DAB1: variants seen among roughly 807,000 people sequenced by gnomAD.
DAB1 encodes the protein disabled homolog 1.
DAB1 carries 15 observed loss-of-function variants against 64.6 expected under a neutral mutation model. The observed-to-expected ratio is 0.23, with a 90% CI of 0.16 to 0.36. DAB1 has a LOEUF of 0.36. Ranked by LOEUF, DAB1 falls within the 10% of genes least tolerant of loss-of-function variation. The pLI is 1.00. For missense variants in DAB1, 596 were observed against 706.7 expected, an observed-to-expected ratio of 0.84 and a Z score of 1.78; for synonymous variants, 235 against 251.9, an observed-to-expected ratio of 0.93 and a Z score of 0.64.
intron 1 of DAB1, chr1:57,874,981 C>T (rs990517681): frequency 4.6e-5 from 7 of 152,128 alleles, no homozygotes; most frequent in African/African-American, 1.7e-4. Context: ...AGATGGTGAA[C>T]CCGGCTTTGA....
intron 5 of DAB1, among the ~76,000 whole-genome samples, chr1:57,984,946 T>C (rs186062697): frequency 1.3e-5 from 2 of 151,998 alleles, no homozygotes; most frequent in African/African-American, 2.4e-5. Flanking sequence ...TCTCACTCTG[T>C]CACCCAGGCT....
At chr1:57,278,648 T>G (rs1387839388) in intron 2 of DAB1, among the ~76,000 whole-genome samples, 1 of 152,076 alleles carries the variant, frequency 6.6e-6, no homozygotes, top group Non-Finnish European at 1.5e-5. Context: ...AGGAGGACTT[T>G]GACAGGCCAA....
intron 5 of DAB1, among the ~76,000 whole-genome samples, chr1:58,019,287 G>T (rs569624011): frequency 6.6e-6 from 1 of 152,212 alleles, no homozygotes; most frequent in East Asian, 1.9e-4. Flanking sequence ...TTCACTGCTG[G>T]AACAAACGCT....
chr1:58,367,864 T>C (rs180693831), intron 3 of DAB1, among the ~76,000 whole-genome samples: 4 of 152,306 alleles, frequency 2.6e-5, no homozygotes, highest in East Asian at 1.9e-4. Context: ...TGGCCTGATA[T>C]AATGTTGAAA....
At chr1:57,295,160 G>A (rs563822657) in intron 1 of DAB1, among the ~76,000 whole-genome samples, 149 of 152,134 alleles carry the variant, frequency 9.8e-4, no homozygotes, top group African/African-American at 3.3e-3. Context: ...AGAAGTGAGG[G>A]TTGCACAACA....
chr1:58,180,161 AC>A (rs1039379468), intron 4 of DAB1, among the ~76,000 whole-genome samples: 5 of 151,872 alleles, frequency 3.3e-5, no homozygotes, highest in Non-Finnish European at 7.4e-5. Flanking sequence ...ATAACAAAAA[AC>A]AACTGTATTT....
At chr1:57,901,723 A>T (rs1644476613) in intron 5 of DAB1, among the ~76,000 whole-genome samples, 2 of 152,208 alleles carry the variant, frequency 1.3e-5, no homozygotes, top group South Asian at 4.1e-4. Context: ...CGCTGAATTC[A>T]TGGCTTGTTA....
At chr1:57,986,711 A>C (rs1192038810) in intron 5 of DAB1, among the ~76,000 whole-genome samples, 1 of 152,164 alleles carries the variant, frequency 6.6e-6, no homozygotes, top group African/African-American at 2.4e-5. Context: ...TTATCAGGAA[A>C]GTGTCTTCCA....
intron 4 of DAB1, among the ~76,000 whole-genome samples, chr1:57,105,491 A>G: frequency 6.6e-6 from 1 of 152,210 alleles, no homozygotes; most frequent in African/African-American, 2.4e-5. Flanking sequence ...TGCCTGTCAC[A>G]TTGTGTTATT....
intron 9 of DAB1, among the ~76,000 whole-genome samples, chr1:57,057,265 A>G (rs1011011101): frequency 3.3e-5 from 5 of 152,224 alleles, no homozygotes; most frequent in African/African-American, 1.2e-4. Context: ...ATTATCGTTC[A>G]TTCAGTTCAG....
intron 7 of DAB1, among the ~76,000 whole-genome samples, chr1:57,631,926 T>C (rs942624426): frequency 3.9e-5 from 6 of 152,206 alleles, no homozygotes; most frequent in Admixed American, 1.3e-4. Flanking sequence ...GACCCTCTGA[T>C]AGATGGTAAT....
chr1:57,121,048 G>A (rs1656591856), intron 4 of DAB1, among the ~76,000 whole-genome samples: 1 of 151,840 alleles, frequency 6.6e-6, no homozygotes, highest in Non-Finnish European at 1.5e-5. Flanking sequence ...AAAGGAAGGG[G>A]CAAAGAGATA....
intron 6 of DAB1, among the ~76,000 whole-genome samples, chr1:57,684,085 C>A (rs1383695396): frequency 6.6e-6 from 1 of 151,764 alleles, no homozygotes; most frequent in Non-Finnish European, 1.5e-5. Context: ...AGGAATTAAA[C>A]AAATGAAAAA....
intron 2 of DAB1, among the ~76,000 whole-genome samples, chr1:58,526,946 A>C (rs568119763): frequency 2.8e-4 from 43 of 152,256 alleles, no homozygotes; most frequent in African/African-American, 9.6e-4. Context: ...CTATGATCAA[A>C]AAATTTATAC....
At chr1:58,459,293 A>C (rs1337404022) in intron 3 of DAB1, among the ~76,000 whole-genome samples, 1 of 152,238 alleles carries the variant, frequency 6.6e-6, no homozygotes, top group Admixed American at 6.5e-5. Flanking sequence ...GAAATTGGGG[A>C]ACAGCTTAGC....
chr1:57,559,602 G>A (rs796207139), intron 7 of DAB1, among the ~76,000 whole-genome samples: 2 of 152,162 alleles, frequency 1.3e-5, no homozygotes, highest in South Asian at 2.1e-4. Flanking sequence ...GGCTTATGGA[G>A]GTCAGGTAAT....
At chr1:57,175,234 T>C (rs1662176494) in intron 2 of DAB1, among the ~76,000 whole-genome samples, 1 of 152,116 alleles carries the variant, frequency 6.6e-6, no homozygotes, top group Admixed American at 6.6e-5. Context: ...AAAAGATCTA[T>C]AACTGGATGT....
chr1:57,950,353 A>C (rs1317160555), intron 5 of DAB1, among the ~76,000 whole-genome samples: 1 of 152,176 alleles, frequency 6.6e-6, no homozygotes, highest in Non-Finnish European at 1.5e-5. Flanking sequence ...CAATTTTTCT[A>C]TATTCACCCA....
intron 7 of DAB1, among the ~76,000 whole-genome samples, chr1:57,566,461 C>T (rs1645122164): frequency 6.6e-6 from 1 of 151,990 alleles, no homozygotes; most frequent in African/African-American, 2.4e-5. Context: ...CACAAAAAAC[C>T]CTTCAAAAAA....
Sources: allele counts gnomAD v4.1 joint callset (sites outside exome capture counted in the v4.1 genomes callset), GRCh38; gene constraint gnomAD v4.1.1; transcripts MANE v1.5; gene names NCBI Gene and HGNC (gene_info 2026-07-23, HGNC 2026-07-21).